The following USP15 variants were observed in gnomAD, a reference collection of about 807,000 sequenced individuals.
The protein encoded by USP15 is ubiquitin specific peptidase 15, also known as ubiquitin carboxyl-terminal hydrolase 15.
USP15 carries 18 observed loss-of-function variants against 127.1 expected under a neutral mutation model. That is an observed-to-expected ratio of 0.14 (90% CI 0.10 to 0.21). The LOEUF (loss-of-function observed/expected upper bound fraction) is 0.21. USP15 is among the 10% of genes least tolerant of loss of function. USP15 has a pLI of 1.00. For missense variants in USP15, 805 were observed against 1,159.9 expected (o/e 0.69, Z 4.44); for synonymous variants, 364 against 393.7 (o/e 0.92, Z 0.89).
chr12:62,297,087 G>T (rs1345766752), intron 2 of USP15, among the ~76,000 whole-genome samples: 1 of 152,146 alleles, frequency 6.6e-6, no homozygotes, highest in Non-Finnish European at 1.5e-5. Context: ...AGGAGTGGGG[G>T]CATCCTGCAC....
chr12:62,300,111 T>A (rs953206730), intron 2 of USP15, among the ~76,000 whole-genome samples: 55 of 152,254 alleles, frequency 3.6e-4, no homozygotes, highest in African/African-American at 1.3e-3. Flanking sequence ...CTTTTTATAT[T>A]CTTGATGGTG....
Position 62,326,077 on chromosome 12 carries a change from T to C in USP15, c.683+144T>C, listed in dbSNP as rs2065113340. ...ATATTTGAGTATTTTGTTCTTAGTA[T>C]ACAAGCTATCTAAATTTGCTCTTAA... On this transcript the variant is annotated intron_variant, in intron 6 of 21. Coordinates refer to ENST00000280377, the MANE Select transcript of USP15 (RefSeq NM_001252078.2). 3 of 641,950 alleles carry C rather than the reference T, an allele frequency of 4.7e-6. No homozygotes were observed. The East Asian group carries it at 8.8e-5, about 19-fold the overall frequency. 39.8% of individuals were successfully genotyped at this position (641,950 alleles called of 1,614,324 possible).
At chr12:62,403,906 A>C (rs921376182) in intron 21 of USP15, among the ~76,000 whole-genome samples, 1 of 152,100 alleles carries the variant, frequency 6.6e-6, no homozygotes, top group Non-Finnish European at 1.5e-5. Flanking sequence ...TTTTTACGTT[A>C]GAATTGTGAT....
At chr12:62,307,849 C>T (rs1258448912) in intron 3 of USP15, among the ~76,000 whole-genome samples, 1 of 152,052 alleles carries the variant, frequency 6.6e-6, no homozygotes, top group Non-Finnish European at 1.5e-5. Flanking sequence ...TTCACTTCAC[C>T]TCTTCTCATC....
At chr12:62,390,119 T>G (rs1053883628) in intron 14 of USP15, 131 bp downstream of exon 14, 29 of 1,011,792 alleles carry the variant, frequency 2.9e-5, no homozygotes, top group Non-Finnish European at 3.8e-5. Flanking sequence ...ATTTTGTTCA[T>G]AGTCAGATTA....
chr12:62,396,356 A>T lies in USP15; in HGVS notation c.2632A>T (p.Ile878Phe). 1 of 1,610,138 alleles carries T rather than the reference A, an allele frequency of 6.2e-7. No individual in the cohort carries two copies. Among genetic ancestry groups the T allele is most frequent in the Non-Finnish European group, 8.5e-7 (1 of 1,178,244 alleles). ...PNAGPCRYNL[I>F]AVSNHYGGMG... ...TGCAGGTCCTTGCCGCTATAATCTG[A>T]TTGCTGTTTCCAACCACTATGGAGG... The change falls in exon 20 of 22, where the codon ATT (isoleucine) becomes TTT (phenylalanine). Residue 878 changes from isoleucine to phenylalanine, a missense_variant. Around this residue, in one of 11 missense-constraint regions of USP15, gnomAD observed 116 missense variants for 157.2 expected, o/e 0.74. Coordinates refer to ENST00000280377, the MANE Select transcript of USP15 (RefSeq NM_001252078.2).
intron 3 of USP15, chr12:62,304,812 T>G: frequency 2.9e-6 from 1 of 341,280 alleles, no homozygotes; most frequent in Non-Finnish European, 5.8e-6. Context: ...GATTTTAGAA[T>G]AGTGGGCTTA....
At chr12:62,300,264 C>T (rs149575219) in intron 2 of USP15, among the ~76,000 whole-genome samples, 81 of 151,968 alleles carry the variant, frequency 5.3e-4, no homozygotes, top group African/African-American at 1.8e-3. Context: ...TTTTCTTTTA[C>T]GAGTTTTATA....
chr12:62,377,448 G>A (rs891787118), intron 8 of USP15, among the ~76,000 whole-genome samples: 2 of 152,150 alleles, frequency 1.3e-5, no homozygotes, highest in Non-Finnish European at 2.9e-5. Flanking sequence ...AGCCAGGTGC[G>A]GTGGCTCACG....
In USP15 at chr12:62,327,260, A is replaced by G. The variant is rs533197911; in HGVS notation, c.683+1327A>G. Among the ~76,000 whole-genome samples, 4 of 152,144 alleles carry G rather than the reference A, an allele frequency of 2.6e-5. No homozygotes were observed. In the East Asian group the frequency reaches 7.7e-4, roughly 29 times the overall value. On this transcript the variant is annotated intron_variant, in intron 6 of 21. Coordinates refer to ENST00000280377, the MANE Select transcript of USP15 (RefSeq NM_001252078.2). ...AAATATCATGAGAAGGCACCTAAAT[A>G]TGTTAATTACATGGAGGTGATTTTT... is the stretch of plus-strand genomic sequence containing the variant.
intron 1 of USP15, among the ~76,000 whole-genome samples, chr12:62,276,983 T>A (rs894155054): frequency 6.6e-6 from 1 of 152,152 alleles, no homozygotes; most frequent in Non-Finnish European, 1.5e-5. Flanking sequence ...TTGTTGACTG[T>A]CACTGAACAC....
At chr12:62,302,500 G>A (rs2064346774) in intron 2 of USP15, among the ~76,000 whole-genome samples, 1 of 152,088 alleles carries the variant, frequency 6.6e-6, no homozygotes, top group South Asian at 2.1e-4. Context: ...GCTGCATGCG[G>A]CCCAGGATGG....
chr12:62,364,421 G>A (rs549537364), intron 8 of USP15, among the ~76,000 whole-genome samples: 2 of 152,254 alleles, frequency 1.3e-5, no homozygotes, highest in African/African-American at 4.8e-5. Context: ...GTTGCATGGT[G>A]CATAAAACAG....
At chr12:62,285,637 G>A (rs2063765324) in intron 1 of USP15, among the ~76,000 whole-genome samples, 1 of 151,914 alleles carries the variant, frequency 6.6e-6, no homozygotes, top group African/African-American at 2.4e-5. Flanking sequence ...ATTCCATGGT[G>A]TGTGTGTGTG....
At chr12:62,342,573 C>T (rs532035152) in intron 6 of USP15, among the ~76,000 whole-genome samples, 3 of 152,186 alleles carry the variant, frequency 2.0e-5, no homozygotes, top group African/African-American at 7.2e-5. Flanking sequence ...GGCTGATGAC[C>T]TTTGGATGGG....
In USP15 at chr12:62,325,940, G is replaced by A. The variant is rs1420262851; in HGVS notation, c.683+7G>A. Reference sequence around the variant, plus strand: ...GGGGTCCTTCTACTCCTAAGTAAGTGCTCCCACTTCTTATGGCTTATTGTA... The same window carrying A: ...GGGGTCCTTCTACTCCTAAGTAAGTACTCCCACTTCTTATGGCTTATTGTA... On this transcript the variant is annotated splice_region_variant and intron_variant, in intron 6 of 21. Coordinates refer to ENST00000280377, the MANE Select transcript of USP15 (RefSeq NM_001252078.2). 7 of 1,607,344 alleles carry A rather than the reference G, an allele frequency of 4.4e-6. No individual in the cohort carries two copies. The highest frequency in any genetic ancestry group is 1.1e-5 in the South Asian group (1 of 90,252).
intron 1 of USP15, among the ~76,000 whole-genome samples, chr12:62,265,523 G>A (rs949375386): frequency 6.6e-6 from 1 of 152,172 alleles, no homozygotes; most frequent in Non-Finnish European, 1.5e-5. Context: ...TTAAAGCACT[G>A]TACCACATTG....
intron 3 of USP15, among the ~76,000 whole-genome samples, chr12:62,305,384 T>C (rs2064453254): frequency 6.6e-6 from 1 of 152,058 alleles, no homozygotes; most frequent in African/African-American, 2.4e-5. Flanking sequence ...CAGAAAACAA[T>C]GGACTTTGAT....
intron 3 of USP15, chr12:62,303,660 G>C (rs987992248): frequency 2.0e-5 from 3 of 151,398 alleles, no homozygotes; most frequent in African/African-American, 7.3e-5. Context: ...GTAACATAAG[G>C]GTAAAAAAAC....
Sources: allele counts gnomAD v4.1 joint callset (sites outside exome capture counted in the v4.1 genomes callset), GRCh38; gene constraint gnomAD v4.1.1; regional missense constraint gnomAD v4.1.1; transcripts MANE v1.5; gene names NCBI Gene and HGNC (gene_info 2026-07-23, HGNC 2026-07-21).